Variants in EFHC2 observed in about 807,000 individuals in gnomAD.
EFHC2 encodes the protein EF-hand domain containing 2.
In EFHC2, 18 loss-of-function variants were observed where a neutral mutation model predicts 52.7. The ratio of observed to expected loss-of-function variants is 0.34; its 90% CI spans 0.24 to 0.51. EFHC2 has a LOEUF of 0.51. Ranked by LOEUF, EFHC2 falls within the 20% of genes least tolerant of loss-of-function variation. EFHC2 has a pLI of 0.97. For missense variants in EFHC2, 513 were observed against 562.5 expected (o/e 0.91, Z 0.89); for synonymous variants, 203 against 204.1 (o/e 0.99, Z 0.04).
intron 2 of EFHC2, among the ~76,000 whole-genome samples, chrX:44,307,793 G>C (rs988351495): frequency 1.8e-5 from 2 of 110,901 alleles, no homozygotes; most frequent in African/African-American, 6.6e-5. Flanking sequence ...AATTAGCCAG[G>C]TGTGGTGGCA....
chrX:44,167,345 C>T (rs1268633386), intron 13 of EFHC2, among the ~76,000 whole-genome samples: 1 of 111,858 alleles, frequency 8.9e-6, no homozygotes, highest in Non-Finnish European at 1.9e-5. Flanking sequence ...TGCATTTGCC[C>T]TAGATGATGG....
chrX:44,242,061 G>A, intron 8 of EFHC2, 60 bp downstream of exon 8: 3 of 1,083,182 alleles, frequency 2.8e-6, no homozygotes, highest in Non-Finnish European at 3.7e-6. Context: ...TGAGAACTAT[G>A]TTATAAACCC....
At chrX:44,215,361 T>C (rs2037136224) in intron 11 of EFHC2, among the ~76,000 whole-genome samples, 1 of 110,963 alleles carries the variant, frequency 9.0e-6, no homozygotes, top group Non-Finnish European at 1.9e-5. Flanking sequence ...TGCCACTCAA[T>C]AGCACCAAAA....
chrX:44,218,239 G>A (rs1208691574), intron 11 of EFHC2, among the ~76,000 whole-genome samples: 1 of 110,832 alleles, frequency 9.0e-6, no homozygotes, highest in Non-Finnish European at 1.9e-5. Context: ...TAAGAAATAC[G>A]AATGTATTAC....
intron 1 of EFHC2, among the ~76,000 whole-genome samples, chrX:44,326,083 G>A (rs2038050146): frequency 9.3e-6 from 1 of 108,048 alleles, no homozygotes; most frequent in African/African-American, 3.4e-5. Flanking sequence ...TTGTAGAGAC[G>A]AGATTTCACC....
intron 2 of EFHC2, among the ~76,000 whole-genome samples, chrX:44,307,134 C>G (rs1344660433): frequency 9.0e-6 from 1 of 111,015 alleles, no homozygotes; most frequent in East Asian, 2.8e-4. Context: ...CAGGTGTGAG[C>G]TGTTTGTCAA....
At chrX:44,335,283 G>A (rs765719113) in intron 1 of EFHC2, among the ~76,000 whole-genome samples, 36 of 110,799 alleles carry the variant, frequency 3.2e-4, no homozygotes, top group Non-Finnish European at 4.0e-4. Flanking sequence ...AAGTTATTAT[G>A]GAGAGAGGGA....
chrX:44,257,754 G>C (rs2147342565), intron 4 of EFHC2, among the ~76,000 whole-genome samples: 1 of 111,682 alleles, frequency 9.0e-6, no homozygotes, highest in African/African-American at 3.3e-5. Flanking sequence ...AGCTACCACT[G>C]ACTTTCTTCA....
At chrX:44,296,982 G>A (rs1446459122) in intron 2 of EFHC2, among the ~76,000 whole-genome samples, 1 of 111,880 alleles carries the variant, frequency 8.9e-6, no homozygotes, top group East Asian at 2.8e-4. Flanking sequence ...AATGAGCATT[G>A]GGATAGTCCC....
chrX:44,204,430 A>C (rs2037031662), intron 11 of EFHC2, among the ~76,000 whole-genome samples: 1 of 111,572 alleles, frequency 9.0e-6, no homozygotes. Context: ...GATTGCAAGG[A>C]AACTCAACAA....
intron 11 of EFHC2, among the ~76,000 whole-genome samples, chrX:44,206,504 CAGT>C (rs1384247577): frequency 2.4e-4 from 27 of 112,146 alleles, no homozygotes; most frequent in African/African-American, 8.4e-4. Context: ...AAAATGACTT[CAGT>C]AAAGTTTCAG....
At chrX:44,171,844 A>C (rs2036748246) in intron 13 of EFHC2, among the ~76,000 whole-genome samples, 1 of 111,491 alleles carries the variant, frequency 9.0e-6, no homozygotes. Context: ...AGAGAGTGAG[A>C]GGAGAGAGCA....
In EFHC2 at chrX:44,343,634, G is replaced by A. The variant is rs1340102864; in HGVS notation, c.-46C>T. On this transcript the variant is annotated 5_prime_UTR_variant, in exon 1 of 15. Transcript: ENST00000420999. ...CCAGGGTCCCAGAAGAGAGGGCCCG[G>A]CAGGCAGCGGCGCCTCCCGGCCGTG... 1.5e-5 allele frequency: 15 copies of A among 1,001,972 alleles called. No homozygotes were observed. The Admixed American group carries it at 3.3e-4, about 22-fold the overall frequency. 82.6% of individuals were successfully genotyped at this position (1,001,972 alleles called of 1,213,427 possible).
intron 2 of EFHC2, chrX:44,283,967 C>T (rs1354812774): frequency 9.0e-6 from 1 of 110,649 alleles, no homozygotes; most frequent in Non-Finnish European, 1.9e-5. Context: ...GGTAGGATCC[C>T]CCAGCAAACA....
chrX:44,259,932 G>A (rs1163871093), intron 4 of EFHC2, among the ~76,000 whole-genome samples: 1 of 111,713 alleles, frequency 9.0e-6, no homozygotes, highest in Non-Finnish European at 1.9e-5. Flanking sequence ...TGCTGGGGCT[G>A]GGAGGCAGGA....
rs1569289110 is a variant in EFHC2 at position 44,229,726 on chromosome X, T to C, written c.1674A>G (p.Gly558=). The change falls in exon 11 of 15, where the codon GGA becomes GGG. Residue 558 remains glycine (G), a synonymous_variant. Transcript: ENST00000420999. Reference sequence around the variant, plus strand: ...ATACCTGCTTGAGCTCTCTGGATTTTCCTTCTTCTTGCTTCAGCTTTTGTA... The same window carrying C: ...ATACCTGCTTGAGCTCTCTGGATTTCCCTTCTTCTTGCTTCAGCTTTTGTA... ...LALQKLKQEE[G]KSRELKQVFK... 3 of 1,210,761 alleles carry C rather than the reference T, an allele frequency of 2.5e-6. No homozygotes were observed. The highest frequency in any genetic ancestry group is 2.3e-4 in the Middle Eastern group (1 of 4,355).
chrX:44,170,355 T>C (rs746720713), intron 13 of EFHC2, among the ~76,000 whole-genome samples: 4 of 111,084 alleles, frequency 3.6e-5, no homozygotes, highest in Admixed American at 9.6e-5. Flanking sequence ...CTATACACCA[T>C]GCTTGTTAGA....
At chrX:44,190,939 G>C (rs2036915026) in intron 11 of EFHC2, among the ~76,000 whole-genome samples, 1 of 111,566 alleles carries the variant, frequency 9.0e-6, no homozygotes, top group Admixed American at 9.5e-5. Flanking sequence ...GCTGGGACAG[G>C]CTCCAGCCAC....
chrX:44,158,198 G>A (rs1343135418), intron 14 of EFHC2, among the ~76,000 whole-genome samples: 1 of 111,827 alleles, frequency 8.9e-6, no homozygotes, highest in East Asian at 2.8e-4. Flanking sequence ...GATGCAGACA[G>A]AATTAGAGTT....
Sources: allele counts gnomAD v4.1 joint callset (sites outside exome capture counted in the v4.1 genomes callset), GRCh38; gene constraint gnomAD v4.1.1; transcripts MANE v1.5; gene names NCBI Gene and HGNC (gene_info 2026-07-23, HGNC 2026-07-21).